The following EPAS1 variants were observed in gnomAD, a reference collection of about 807,000 sequenced individuals.
EPAS1 encodes endothelial PAS domain-containing protein 1.
In EPAS1, 23 loss-of-function variants were observed where a neutral mutation model predicts 87.9. The ratio of observed to expected loss-of-function variants is 0.26; its 90% CI spans 0.19 to 0.37. The LOEUF (loss-of-function observed/expected upper bound fraction) is 0.37. Ranked by LOEUF, EPAS1 falls within the 10% of genes least tolerant of loss-of-function variation. EPAS1 has a pLI of 1.00. For synonymous variants in EPAS1, 508 were observed against 444.3 expected, an observed-to-expected ratio of 1.14 and a Z score of -1.80; for missense variants, 1,138 against 1,120.7, an observed-to-expected ratio of 1.02 and a Z score of -0.22.
At position 46,340,083 on chromosome 2, in the gene EPAS1, T is replaced by C. The variant is rs73926262; in HGVS notation, c.27-6790T>C. 7.9e-3 allele frequency among the ~76,000 whole-genome samples: 1,197 copies of C among 152,300 alleles called. 16 individuals carry two copies. The highest frequency in any genetic ancestry group is 0.027 in the African/African-American group (1,116 of 41,546). On this transcript the variant is annotated intron_variant, in intron 1 of 15. Transcript: ENST00000263734. Reference sequence around the variant, plus strand: ...GGACAGTTCATTATGATTATTCCTGTGTACACACAGCTTTTCCCAGCTGGG... The same window carrying C: ...GGACAGTTCATTATGATTATTCCTGCGTACACACAGCTTTTCCCAGCTGGG...
chr2:46,323,832 A>T (rs950129768), intron 1 of EPAS1, among the ~76,000 whole-genome samples: 2 of 152,236 alleles, frequency 1.3e-5, no homozygotes, highest in African/African-American at 4.8e-5. Flanking sequence ...CCAAAACAGA[A>T]TTTTGCAAAG....
rs1171377232 is a variant in EPAS1 at position 46,378,010 on chromosome 2, G to A, written c.1366G>A (p.Ala456Thr). 1 of 1,598,864 alleles carries A rather than the reference G, an allele frequency of 6.3e-7. No individual in the cohort carries two copies. Among genetic ancestry groups the A allele is most frequent in the Admixed American group, 1.7e-5 (1 of 58,464 alleles). ...STQSEAGSLP[A>T]FTVPQAAAPG... ...CCAGAGCGAGGCTGGGAGCCTGCCT[G>A]CCTTCACCGTGCCCCAGGCAGCTGC... Residue 456 changes from alanine (A) to threonine (T), a missense_variant, in exon 10 of 16, where the codon GCC becomes ACC. By Grantham distance (58) the Ala-to-Thr change is moderately conservative. Around this residue, in one of 4 missense-constraint regions of EPAS1, gnomAD observed 284 missense variants for 258.4 expected, o/e 1.10. Coordinates refer to ENST00000263734, the MANE Select transcript of EPAS1 (RefSeq NM_001430.5).
rs111406370 is a variant in EPAS1, at chr2:46,382,822, A to T, written c.2461+224A>T. 0.016 allele frequency among the ~76,000 whole-genome samples: 2,395 copies of T among 152,272 alleles called. 63 individuals carry two copies. The highest frequency in any genetic ancestry group is 0.055 in the African/African-American group (2,266 of 41,534). On this transcript the variant is annotated intron_variant, in intron 15 of 15. Transcript: ENST00000263734. ...CAGTGGGTGGGTCTGAGACACAGCT[A>T]AAAAACTCAAACTCAGGCTAGAATA...
In EPAS1 at chr2:46,356,322, C is replaced by G; in HGVS notation, c.369+20C>G. On this transcript the variant is annotated intron_variant, in intron 3 of 15. Transcript: ENST00000263734. ...ACACAGGTGACACCCTCCTCTATCT[C>G]TTTCAAAAGAAGAAATGTTTCCATT... is the stretch of plus-strand genomic sequence containing the variant. 6.2e-7 allele frequency: 1 copy of G among 1,614,084 alleles called. No homozygotes were observed. Among genetic ancestry groups the G allele is most frequent in the Non-Finnish European group, 8.5e-7 (1 of 1,179,938 alleles).
chr2:46,379,206 A>C (rs1455360056), intron 11 of EPAS1, among the ~76,000 whole-genome samples: 4 of 152,212 alleles, frequency 2.6e-5, no homozygotes, highest in African/African-American at 9.7e-5. Flanking sequence ...TCTGTTTGAC[A>C]ATTTTTCATT....
At chr2:46,376,201 A>T (rs574528535) in intron 8 of EPAS1, among the ~76,000 whole-genome samples, 1 of 152,322 alleles carries the variant, frequency 6.6e-6, no homozygotes, top group South Asian at 2.1e-4. Context: ...CCTTCACTCT[A>T]TAGTACCTGG....
At chr2:46,311,728 T>C (rs1397384555) in intron 1 of EPAS1, among the ~76,000 whole-genome samples, 1 of 152,224 alleles carries the variant, frequency 6.6e-6, no homozygotes, top group Non-Finnish European at 1.5e-5. Flanking sequence ...GTTCCAACTT[T>C]GCCTTTGCTG....
chr2:46,328,263 C>A (rs1683604109), intron 1 of EPAS1, among the ~76,000 whole-genome samples: 1 of 152,172 alleles, frequency 6.6e-6, no homozygotes, highest in Admixed American at 6.5e-5. Context: ...TTGAGTGGGT[C>A]TTGAAGAATG....
Position 46,380,337 on chromosome 2 carries a change from C to T in EPAS1, c.1665C>T (p.Asn555=), listed in dbSNP as rs765368505. ...CCGAGGAGCGGCTCTTGGCGGAGAA[C>T]CCACAGTCCACCCCCCAGCACTGCT... ...ICPEERLLAE[N]PQSTPQHCFS... The change falls in exon 12 of 16, where the codon AAC becomes AAT. Residue 555 remains asparagine, a synonymous_variant. Coordinates refer to ENST00000263734, the MANE Select transcript of EPAS1 (RefSeq NM_001430.5). This position sits in a 1 kb window ranked among gnomAD's most constrained non-coding sequence, Gnocchi z 4.4. The T allele has an allele frequency of 1.9e-6, 3 of 1,614,116 alleles. No homozygotes were observed. Among genetic ancestry groups the T allele is most frequent in the Non-Finnish European group, 2.5e-6 (3 of 1,180,012 alleles).
intron 2 of EPAS1, among the ~76,000 whole-genome samples, chr2:46,349,487 C>T (rs778907764): frequency 6.6e-5 from 10 of 152,346 alleles, no homozygotes; most frequent in Non-Finnish European, 1.3e-4. Context: ...TCTCCGGAGC[C>T]TGTTGAAAGT....
intron 7 of EPAS1, among the ~76,000 whole-genome samples, chr2:46,374,138 TGAA>T (rs975472149): frequency 4.6e-5 from 7 of 152,208 alleles, no homozygotes; most frequent in African/African-American, 1.4e-4. Context: ...TGTTAAATTG[TGAA>T]GAAGAAAGCA....
chr2:46,366,145 G>A (rs79321637), intron 6 of EPAS1, among the ~76,000 whole-genome samples: 1,894 of 152,352 alleles, frequency 0.012, 37 homozygotes, highest in African/African-American at 0.044. Flanking sequence ...ACGTGGACGG[G>A]TGCTGGCGAT....
chr2:46,356,278 C>T lies in EPAS1; in HGVS notation c.345C>T (p.Ile115=), dbSNP rs542625493. The T allele has an allele frequency of 2.2e-5, 36 of 1,614,214 alleles. No homozygotes were observed. The East Asian group carries it at 6.9e-4, about 31-fold the overall frequency. ...DGDMIFLSEN[I]SKFMGLTQVE... ...ACATGATCTTTCTGTCAGAAAACAT[C>T]AGCAAGTTCATGGGACTTACACAGG... The change falls in exon 3 of 16, where the codon ATC becomes ATT. Residue 115 remains isoleucine (I), a synonymous_variant. Coordinates refer to ENST00000263734, the MANE Select transcript of EPAS1 (RefSeq NM_001430.5).
intron 1 of EPAS1, among the ~76,000 whole-genome samples, chr2:46,301,496 G>A (rs925387948): frequency 6.6e-6 from 1 of 151,338 alleles, no homozygotes; most frequent in Non-Finnish European, 1.5e-5. Flanking sequence ...AGAATTGCTT[G>A]AACCCGGGAG....
Position 46,375,714 on chromosome 2 carries a change from G to A in EPAS1, c.911G>A (p.Ser304Asn). Residue 304 changes from serine to asparagine, a missense_variant, in exon 8 of 16, where the codon AGT (serine) becomes AAT (asparagine). By Grantham distance (46) the Ser-to-Asn change is conservative (BLOSUM62 1). Transcript: ENST00000263734. This position sits in a 1 kb window ranked among gnomAD's most constrained non-coding sequence, Gnocchi z 4.1. ...QNLCTKGQVV[S>N]GQYRMLAKHG... Reference sequence around the variant, plus strand: ...GTGTGCACCAAGGGTCAGGTAGTAAGTGGCCAGTACCGGATGCTCGCAAAG... The same window carrying A: ...GTGTGCACCAAGGGTCAGGTAGTAAATGGCCAGTACCGGATGCTCGCAAAG... The A allele has an allele frequency of 6.2e-7, 1 of 1,614,164 alleles. No individual in the cohort carries two copies. Among genetic ancestry groups the A allele is most frequent in the Non-Finnish European group, 8.5e-7 (1 of 1,180,026 alleles).
chr2:46,338,520 C>T (rs78092041), intron 1 of EPAS1, among the ~76,000 whole-genome samples: 4,145 of 152,108 alleles, frequency 0.027, 134 homozygotes, highest in African/African-American at 0.077. Flanking sequence ...AAGACAGCAC[C>T]GAGTCTTCTC....
chr2:46,302,420 T>G (rs1320976754), intron 1 of EPAS1, among the ~76,000 whole-genome samples: 1 of 152,144 alleles, frequency 6.6e-6, no homozygotes, highest in Non-Finnish European at 1.5e-5. Context: ...TATTTTAGCC[T>G]GATGAATCTT....
chr2:46,353,915 C>T (rs1684218326), intron 2 of EPAS1, among the ~76,000 whole-genome samples: 1 of 152,232 alleles, frequency 6.6e-6, no homozygotes, highest in African/African-American at 2.4e-5. Flanking sequence ...CTCTGTACAA[C>T]CCAACTCTTG....
chr2:46,321,918 A>T (rs1319306219), intron 1 of EPAS1, among the ~76,000 whole-genome samples: 1 of 152,186 alleles, frequency 6.6e-6, no homozygotes, highest in South Asian at 2.1e-4. Context: ...AGCATGTGAA[A>T]CTATTTTAAA....
Sources: gnomAD v4.1 joint callset for allele counts (sites outside exome capture counted in the v4.1 genomes callset) on GRCh38, gnomAD v4.1.1 for gene constraint, gnomAD v4.1.1 regional missense constraint, Gnocchi (gnomAD v3.1) non-coding constraint, MANE v1.5 for transcripts, NCBI Gene and HGNC (gene_info 2026-07-23, HGNC 2026-07-21) for gene names.